Variants in MIR2052HG observed in about 807,000 individuals in gnomAD.
MIR2052HG encodes the protein MIR2052 host gene.
intron 1 of MIR2052HG, chr8:74,603,849 C>G (rs929786603): frequency 4.5e-5 from 40 of 893,726 alleles, no homozygotes; most frequent in Non-Finnish European, 6.5e-5. Flanking sequence ...CCCCTGCCAT[C>G]TAGACCTGAG....
intron 5 of MIR2052HG, chr8:74,757,945 G>A (rs755064207): frequency 4.6e-5 from 7 of 152,108 alleles, no homozygotes; most frequent in Non-Finnish European, 7.4e-5. Flanking sequence ...ATCTGATATA[G>A]CATCTGCATA....
chr8:74,604,166 T>C (rs1665798110), intron 1 of MIR2052HG: 1 of 893,574 alleles, frequency 1.1e-6, no homozygotes, highest in Non-Finnish European at 1.9e-6. Flanking sequence ...CCGATGATAC[T>C]GCCAACTTCC....
rs1014979755 is a variant in MIR2052HG, at chr8:74,626,569, C to A, written n.216+13629C>A. Among the ~76,000 whole-genome samples, 6 of 152,234 alleles carry A rather than the reference C, an allele frequency of 3.9e-5. No individual in the cohort carries two copies. In the East Asian group the frequency reaches 1.2e-3, roughly 29 times the overall value. On this transcript the variant is annotated intron_variant and non_coding_transcript_variant, in intron 2 of 6. Coordinates refer to ENST00000523442, the Ensembl canonical transcript of MIR2052HG. ...TGAAGTCAGATCTAGGACAAAAATT[C>A]CAGGACGTAAGATTGAATTTCAGGG... is the stretch of plus-strand genomic sequence containing the variant.
intron 2 of MIR2052HG, among the ~76,000 whole-genome samples, chr8:74,673,871 A>G (rs533406547): frequency 7.5e-6 from 1 of 134,160 alleles, no homozygotes; most frequent in African/African-American, 3.1e-5. Context: ...TGTCACAATC[A>G]ACACAGTATT....
chr8:74,679,511 G>T (rs945791119), intron 2 of MIR2052HG, among the ~76,000 whole-genome samples: 30 of 145,800 alleles, frequency 2.1e-4, no homozygotes, highest in Non-Finnish European at 3.7e-4. Flanking sequence ...ATAGGCATTT[G>T]GCTTGTTTAC....
chr8:74,644,747 C>T lies in MIR2052HG; in HGVS notation n.216+31807C>T, dbSNP rs79482121. On this transcript the variant is annotated intron_variant and non_coding_transcript_variant, in intron 2 of 6. Transcript: ENST00000523442. Reference sequence around the variant, plus strand: ...CTCTACAATAAATAAATAAATTAGCCGGGCATGGTGGTGCATGCCTGTGGT... The same window carrying T: ...CTCTACAATAAATAAATAAATTAGCTGGGCATGGTGGTGCATGCCTGTGGT... 1.3e-4 allele frequency among the ~76,000 whole-genome samples: 20 copies of T among 151,880 alleles called. No homozygotes were observed. The East Asian group carries it at 3.7e-3, about 28-fold the overall frequency.
intron 4 of MIR2052HG, among the ~76,000 whole-genome samples, chr8:74,740,034 A>T (rs1809809857): frequency 6.6e-6 from 1 of 152,226 alleles, no homozygotes; most frequent in South Asian, 2.1e-4. Flanking sequence ...TGCACATAGT[A>T]GTATCATTCT....
chr8:74,704,449 G>A (rs1355556120), intron 4 of MIR2052HG, among the ~76,000 whole-genome samples: 1 of 152,046 alleles, frequency 6.6e-6, no homozygotes, highest in Non-Finnish European at 1.5e-5. Context: ...GGAGGTGTCA[G>A]GAGGGTAGTA....
chr8:74,748,905 AC>A (rs1239033263), intron 4 of MIR2052HG, among the ~76,000 whole-genome samples: 3 of 152,184 alleles, frequency 2.0e-5, no homozygotes, highest in Non-Finnish European at 4.4e-5. Context: ...CATCATATTG[AC>A]ATGGAGAGAG....
At chr8:74,606,639 CATAGACACGTACAGGGGAATG>C (rs1443263726) in intron 1 of MIR2052HG, among the ~76,000 whole-genome samples, 2 of 152,004 alleles carry the variant, frequency 1.3e-5, no homozygotes, top group African/African-American at 4.8e-5. Context: ...GATGAGAACA[CATAGACACGTACAGGGGAATG>C]ATAGACACTG....
chr8:74,628,305 T>G (rs1252915489), intron 2 of MIR2052HG, among the ~76,000 whole-genome samples: 1 of 152,116 alleles, frequency 6.6e-6, no homozygotes. Context: ...GTTCAAGGGC[T>G]TGGATGGTCC....
At chr8:74,713,207 G>A (rs961536525) in intron 4 of MIR2052HG, among the ~76,000 whole-genome samples, 3 of 152,160 alleles carry the variant, frequency 2.0e-5, no homozygotes, top group Non-Finnish European at 4.4e-5. Context: ...TATTAAAATG[G>A]TGTTATAATT....
chr8:74,628,855 CTG>C (rs894424812), intron 2 of MIR2052HG: 1 of 151,580 alleles, frequency 6.6e-6, no homozygotes, highest in Non-Finnish European at 1.5e-5. Context: ...GCAAAGAAGA[CTG>C]TGGTGGCCCA....
intron 2 of MIR2052HG, among the ~76,000 whole-genome samples, chr8:74,689,666 T>TG (rs1809219365): frequency 6.6e-6 from 1 of 152,180 alleles, no homozygotes; most frequent in Non-Finnish European, 1.5e-5. Context: ...ACATGGTATT[T>TG]GGGGCAGAAA....
intron 2 of MIR2052HG, among the ~76,000 whole-genome samples, chr8:74,651,040 T>G (rs1808745884): frequency 6.6e-6 from 1 of 152,172 alleles, no homozygotes; most frequent in African/African-American, 2.4e-5. Flanking sequence ...TTTGTTTCCT[T>G]TCTGGTTAAT....
chr8:74,614,853 T>G (rs1808255634), intron 2 of MIR2052HG, among the ~76,000 whole-genome samples: 1 of 149,100 alleles, frequency 6.7e-6, no homozygotes, highest in Non-Finnish European at 1.5e-5. Context: ...AATTTCATCT[T>G]TTTTTTTTTT....
At position 74,709,467 on chromosome 8, in the gene MIR2052HG, G is replaced by A. The variant is rs547170259; in HGVS notation, n.371+5785G>A. ...TGGGGGAGGAGTTGGGTAAATGGGGGAATTACATGGGCATAAGTTTTTGAA... is the reference window on the plus strand; with the variant it reads ...TGGGGGAGGAGTTGGGTAAATGGGGAAATTACATGGGCATAAGTTTTTGAA... On this transcript the variant is annotated intron_variant and non_coding_transcript_variant, in intron 4 of 6. Transcript: ENST00000523442. Among the ~76,000 whole-genome samples the A allele has an allele frequency of 2.0e-5, 3 of 151,882 alleles. No homozygotes were observed. In the East Asian group the frequency reaches 5.8e-4, roughly 29 times the overall value.
chr8:74,686,598 G>A (rs936716320), intron 2 of MIR2052HG, among the ~76,000 whole-genome samples: 1 of 151,986 alleles, frequency 6.6e-6, no homozygotes, highest in African/African-American at 2.4e-5. Context: ...GTCACCTTGG[G>A]TAAGTTTCTT....
chr8:74,703,111 A>G (rs946084866), intron 3 of MIR2052HG, among the ~76,000 whole-genome samples: 156 of 151,994 alleles, frequency 1.0e-3, no homozygotes, highest in African/African-American at 3.7e-3. Context: ...AATCAGAAAA[A>G]AAGTGGACGT....
Sources: gnomAD v4.1 joint callset for allele counts (sites outside exome capture counted in the v4.1 genomes callset) on GRCh38, gnomAD v4.1.1 for gene constraint, MANE v1.5 for transcripts, NCBI Gene and HGNC (gene_info 2026-07-23, HGNC 2026-07-21) for gene names.